Variants in SMIM14 observed in about 807,000 individuals in gnomAD.
The protein encoded by SMIM14 is chromosome 4 open reading frame 34.
SMIM14 carries 5 observed loss-of-function variants against 12.6 expected under a neutral mutation model. The observed-to-expected ratio is 0.40, with a 90% confidence interval of 0.21 to 0.83. SMIM14 has a LOEUF of 0.83. Among genes scored for constraint, SMIM14 ranks in the 40% least tolerant of loss-of-function variants. The pLI is 0.37. For synonymous variants in SMIM14, 30 were observed against 40.1 expected (o/e 0.75, Z 0.95); for missense variants, 86 against 119.1 (o/e 0.72, Z 1.29).
intron 1 of SMIM14, among the ~76,000 whole-genome samples, chr4:39,606,736 C>T (rs7691939): frequency 0.34 from 51,296 of 151,814 alleles, 9,074 homozygotes; most frequent in Middle Eastern, 0.43. Flanking sequence ...TATCACTGGC[C>T]CAGTTTACTG....
chr4:39,590,022 C>CAAA lies in SMIM14; in HGVS notation c.75+15046_75+15048dup, dbSNP rs34159677. Among the ~76,000 whole-genome samples, 38 of 71,314 alleles carry CAAA rather than the reference C, an allele frequency of 5.3e-4. 2 individuals carry two copies. In the East Asian group the frequency reaches 9.4e-3, roughly 18 times the overall value. The allele number at this position is 71,314 out of a possible 152,430, so 46.8% of individuals were successfully genotyped here. On this transcript the variant is annotated intron_variant, in intron 2 of 4. Transcript: ENST00000295958. ...TGGGCAACACAGCAAGACTCTGTTT[C>CAAA]AAAAAAAAAAAAAAAAAAAAAAAGA...
intron 1 of SMIM14, among the ~76,000 whole-genome samples, chr4:39,627,334 T>C (rs1438753086): frequency 6.6e-6 from 1 of 152,208 alleles, no homozygotes; most frequent in Non-Finnish European, 1.5e-5. Flanking sequence ...CGACCCTTTT[T>C]TCTTTACCTC....
chr4:39,579,739 G>T (rs1296982477), intron 2 of SMIM14, among the ~76,000 whole-genome samples: 1 of 151,876 alleles, frequency 6.6e-6, no homozygotes, highest in East Asian at 1.9e-4. Context: ...AGCTGCTTGG[G>T]AGGCTGAGGC....
In SMIM14 at chr4:39,576,704, T is replaced by A. The variant is rs1309761376; in HGVS notation, c.76-4241A>T. Among the ~76,000 whole-genome samples, 644 of 64,944 alleles carry A rather than the reference T, an allele frequency of 9.9e-3. 19 individuals carry two copies. Among genetic ancestry groups the A allele is most frequent in the African/African-American group, 0.026 (442 of 17,132 alleles). The allele number at this position is 64,944 out of a possible 152,430, so 42.6% of individuals were successfully genotyped here. A position where few individuals can be genotyped will look rare whatever the true frequency, so the allele number is the denominator to read the frequency against. On this transcript the variant is annotated intron_variant, in intron 2 of 4. Transcript: ENST00000295958. ...TATATATTTTTTTTTTTTTTTTTTT[T>A]TTTTTTTTTTTTTTTTTTTTGAGAC...
chr4:39,630,496 CAT>C (rs1383084076), intron 1 of SMIM14, among the ~76,000 whole-genome samples: 3 of 152,148 alleles, frequency 2.0e-5, no homozygotes, highest in Non-Finnish European at 4.4e-5. Flanking sequence ...GCTGAGATGA[CAT>C]GTGCACAAAG....
intron 1 of SMIM14, among the ~76,000 whole-genome samples, chr4:39,610,241 C>T (rs1342745865): frequency 2.0e-5 from 3 of 152,122 alleles, no homozygotes; most frequent in Admixed American, 6.6e-5. Flanking sequence ...CCCTCCTCAG[C>T]CTCCCAAAGT....
intron 2 of SMIM14, among the ~76,000 whole-genome samples, chr4:39,596,096 T>C (rs1280822713): frequency 6.6e-6 from 1 of 152,076 alleles, no homozygotes; most frequent in African/African-American, 2.4e-5. Context: ...ATAGTGCCTT[T>C]TTTTCTTTCT....
chr4:39,563,188 G>A (rs1428986120), intron 3 of SMIM14, among the ~76,000 whole-genome samples: 2 of 152,002 alleles, frequency 1.3e-5, no homozygotes, highest in African/African-American at 4.8e-5. Flanking sequence ...AGCCTCCCAA[G>A]TAGCTGGGAT....
At chr4:39,596,705 A>T (rs948111599) in intron 2 of SMIM14, among the ~76,000 whole-genome samples, 8 of 152,202 alleles carry the variant, frequency 5.3e-5, no homozygotes, top group African/African-American at 1.9e-4. Context: ...AGCAATACAC[A>T]AGCCTACAAA....
chr4:39,626,976 T>C (rs964779702), intron 1 of SMIM14, among the ~76,000 whole-genome samples: 12 of 152,266 alleles, frequency 7.9e-5, no homozygotes, highest in African/African-American at 2.4e-4. Context: ...ACAGACTGGG[T>C]AACTTACAAA....
At chr4:39,570,901 A>G (rs923823767) in intron 3 of SMIM14, among the ~76,000 whole-genome samples, 1 of 152,164 alleles carries the variant, frequency 6.6e-6, no homozygotes, top group Admixed American at 6.6e-5. Flanking sequence ...CCATTTCTGT[A>G]AGTTTATATG....
chr4:39,593,847 G>A lies in SMIM14; in HGVS notation c.75+11224C>T, dbSNP rs1578341532. 2.0e-5 allele frequency: 3 copies of A among 152,266 alleles called. No homozygotes were observed. In the South Asian group the frequency reaches 6.2e-4, roughly 32 times the overall value. The allele number at this position is 152,266 out of a possible 1,614,324, so 9.4% of individuals were successfully genotyped here. On this transcript the variant is annotated intron_variant, in intron 2 of 4. Coordinates refer to ENST00000295958, the MANE Select transcript of SMIM14 (RefSeq NM_174921.3). The stretch of plus-strand genomic sequence containing the variant: ...ATACCTAGGAATCCAACTTACAAGG[G>A]ATGTGAAGGACCTCGTCAAGGAGAA...
chr4:39,554,333 TGTG>T (rs1320541063), intron 4 of SMIM14, among the ~76,000 whole-genome samples: 1 of 152,018 alleles, frequency 6.6e-6, no homozygotes, highest in African/African-American at 2.4e-5. Context: ...ATTAGCCAGG[TGTG>T]GTGACACACA....
rs544794251 is a variant in SMIM14, at chr4:39,580,715, C to T, written c.76-8252G>A. Among the ~76,000 whole-genome samples the T allele has an allele frequency of 1.0e-3, 156 of 151,858 alleles. 1 individual carries two copies. Among genetic ancestry groups the T allele is most frequent in the African/African-American group, 3.5e-3 (146 of 41,424 alleles). On this transcript the variant is annotated intron_variant, in intron 2 of 4. Coordinates refer to ENST00000295958, the MANE Select transcript of SMIM14 (RefSeq NM_174921.3). ...CTAATTTTTGTATTTTCAGTAGAGACGGGGTTTCACCATGTTGGTCAGGCT... is the reference window on the plus strand; with the variant it reads ...CTAATTTTTGTATTTTCAGTAGAGATGGGGTTTCACCATGTTGGTCAGGCT...
At chr4:39,578,233 C>T (rs1365010240) in intron 2 of SMIM14, among the ~76,000 whole-genome samples, 2 of 152,166 alleles carry the variant, frequency 1.3e-5, no homozygotes, top group Admixed American at 1.3e-4. Context: ...CTGCAGCCTA[C>T]ACTTCCCAGG....
At chr4:39,580,865 A>C (rs1430468859) in intron 2 of SMIM14, among the ~76,000 whole-genome samples, 1 of 152,110 alleles carries the variant, frequency 6.6e-6, no homozygotes, top group Non-Finnish European at 1.5e-5. Flanking sequence ...ACTATGAAAA[A>C]GATAAACACA....
At position 39,624,816 on chromosome 4, in the gene SMIM14, G is replaced by GAAA. The variant is rs539792739; in HGVS notation, c.-36+13920_-36+13922dup. ...GGACAACAGAGCAAGACACCATCTC[G>GAAA]AAAAAAAAAAAAAAAAAACTTCCTA... On this transcript the variant is annotated intron_variant, in intron 1 of 4. Coordinates refer to ENST00000295958, the MANE Select transcript of SMIM14 (RefSeq NM_174921.3). 8.3e-3 allele frequency among the ~76,000 whole-genome samples: 920 copies of GAAA among 110,198 alleles called. 25 individuals are homozygous for GAAA. Among genetic ancestry groups the GAAA allele is most frequent in the African/African-American group, 0.031 (861 of 27,654 alleles). The allele number at this position is 110,198 out of a possible 152,430, so 72.3% of individuals were successfully genotyped here.
chr4:39,584,505 A>AAAAAAAAAAAAAAAAT, intron 2 of SMIM14, among the ~76,000 whole-genome samples: 1 of 143,072 alleles, frequency 7.0e-6, no homozygotes, highest in Non-Finnish European at 1.5e-5. Flanking sequence ...AAAAAAAAAA[A>AAAAAAAAAAAAAAAAT]GACAAACAGG....
intron 3 of SMIM14, among the ~76,000 whole-genome samples, chr4:39,566,096 C>A (rs9918057): frequency 0.12 from 18,389 of 150,050 alleles, 2,606 homozygotes; most frequent in African/African-American, 0.35. Flanking sequence ...CAGTTAAGAA[C>A]CTGTTGCAAT....
Sources: gnomAD v4.1 joint callset for allele counts (sites outside exome capture counted in the v4.1 genomes callset) on GRCh38, gnomAD v4.1.1 for gene constraint, MANE v1.5 for transcripts, NCBI Gene and HGNC (gene_info 2026-07-23, HGNC 2026-07-21) for gene names.